The following NT5DC2 variants were observed in gnomAD, a reference collection of about 807,000 sequenced individuals.
The protein encoded by NT5DC2 is 5'-nucleotidase domain containing 2.
A neutral mutation model predicts 70.0 loss-of-function variants in NT5DC2; 41 were observed. The observed-to-expected ratio is 0.59, with a 90% CI of 0.46 to 0.76. The LOEUF (loss-of-function observed/expected upper bound fraction) is 0.76, where lower values mean the gene tolerates loss of function less well. Among genes scored for constraint, NT5DC2 ranks in the 30% least tolerant of loss-of-function variants. The pLI, the probability that NT5DC2 is intolerant of heterozygous loss-of-function variation, is 0.00. For missense variants in NT5DC2, 705 were observed against 783.2 expected (o/e 0.90, Z 1.19); for synonymous variants, 299 against 310.4 (o/e 0.96, Z 0.39).
chr3:52,526,822 G>A (rs932845629), intron 10 of NT5DC2, among the ~76,000 whole-genome samples: 1 of 152,060 alleles, frequency 6.6e-6, no homozygotes, highest in Non-Finnish European at 1.5e-5. Context: ...ACCATGCCCC[G>A]CTAATTTTTT....
At chr3:52,534,821 A>C, upstream of NT5DC2, 1 of 753,114 alleles carries the variant, frequency 1.3e-6, no homozygotes. Context: ...TACATTCGAA[A>C]CTCCACTGAA....
At chr3:52,527,216 G>A (rs1188146263) in intron 10 of NT5DC2, 78 bp downstream of exon 10, 1 of 1,342,892 alleles carries the variant, frequency 7.4e-7, no homozygotes, top group Non-Finnish European at 1.1e-6. Context: ...CTTCTTCAGA[G>A]GCTGCCTCTG....
At chr3:52,533,002 G>C (rs561519994) in intron 1 of NT5DC2, among the ~76,000 whole-genome samples, 2 of 152,178 alleles carry the variant, frequency 1.3e-5, no homozygotes, top group African/African-American at 4.8e-5. Context: ...TTCGCTGCCC[G>C]GGCTGAGAGG....
Position 52,528,027 on chromosome 3 carries a change from A to G in NT5DC2, c.818T>C (p.Ile273Thr). 1 of 1,611,918 alleles carries G rather than the reference A, an allele frequency of 6.2e-7. No individual in the cohort carries two copies. Among genetic ancestry groups the G allele is most frequent in the Non-Finnish European group, 8.5e-7 (1 of 1,179,458 alleles). The change falls in exon 7 of 14, where the codon ATC (isoleucine) becomes ACC (threonine). Residue 273 changes from isoleucine (I) to threonine (T), a missense_variant. Physicochemically the swap from Ile to Thr is moderately conservative, Grantham distance 89. Transcript: ENST00000422318. ...VHVKGLMYQW[I>T]EQDMEKYILR... ...TCCACACTTACCCATGTCCTGCTCG[A>G]TCCACTGGTACATGAGGCCCTTCAC... is the stretch of plus-strand genomic sequence containing the variant.
At position 52,528,526 on chromosome 3, in the gene NT5DC2, C is replaced by T. The variant is rs777625696; in HGVS notation, c.562G>A (p.Val188Met). The T allele has an allele frequency of 3.1e-6, 5 of 1,609,864 alleles. No homozygotes were observed. In the African/African-American group the frequency reaches 5.4e-5, roughly 17 times the overall value. The change falls in exon 5 of 14, where the codon GTG becomes ATG. Residue 188 changes from valine to methionine, a missense_variant. Physicochemically the swap from Val to Met is conservative, Grantham distance 21. Coordinates refer to ENST00000422318, the MANE Select transcript of NT5DC2 (RefSeq NM_001134231.2). ...AGCTCAATCACCTCCTCGTCTGGCA[C>T]AGGCTGGAGGCCCCTGAGCAGGCCC... ...LGTAYRGLQP[V>M]PDEEVIELYG... is the part of the protein sequence containing the mutation.
At chr3:52,527,255 T>A (rs1488758677) in intron 10 of NT5DC2, 39 bp downstream of exon 10, 4 of 1,591,964 alleles carry the variant, frequency 2.5e-6, no homozygotes, top group Non-Finnish European at 3.4e-6. Flanking sequence ...CTAGGCCCCA[T>A]GCCCCCACCA....
At chr3:52,527,269 G>A (rs1171230444) in intron 10 of NT5DC2, 25 bp downstream of exon 10, 6 of 1,610,124 alleles carry the variant, frequency 3.7e-6, no homozygotes, top group African/African-American at 2.7e-5. Context: ...CCCACCACAT[G>A]CTGCTCTCCC....
chr3:52,532,722 C>A (rs571447604), intron 1 of NT5DC2, among the ~76,000 whole-genome samples: 1 of 152,178 alleles, frequency 6.6e-6, no homozygotes, highest in Admixed American at 6.5e-5. Flanking sequence ...GGGGACCACC[C>A]AACTGGTCAG....
chr3:52,534,534 C>G (rs776843606), upstream of NT5DC2: 2 of 1,613,298 alleles, frequency 1.2e-6, no homozygotes, highest in Non-Finnish European at 1.7e-6. Context: ...CGCACTGACC[C>G]GTCAACTCCC....
At position 52,524,463 on chromosome 3, in the gene NT5DC2, G is replaced by C; in HGVS notation, c.*7C>G. ...CTGAGGGCCTGTCCCAGACAATAAA[G>C]GTGCCCTCAGCGGATGTGGGCCATG... On this transcript the variant is annotated 3_prime_UTR_variant, in exon 14 of 14. Transcript: ENST00000422318. The C allele has an allele frequency of 6.2e-7, 1 of 1,612,690 alleles. No individual in the cohort carries two copies. The highest frequency in any genetic ancestry group is 8.5e-7 in the Non-Finnish European group (1 of 1,179,938).
chr3:52,533,714 C>T lies in NT5DC2; in HGVS notation c.24G>A (p.Ala8=). The T allele has an allele frequency of 7.0e-6, 7 of 1,000,574 alleles. No homozygotes were observed. Among genetic ancestry groups the T allele is most frequent in the Non-Finnish European group, 8.3e-6 (7 of 841,670 alleles). 62.0% of individuals were successfully genotyped at this position (1,000,574 alleles called of 1,614,324 possible). A position where few individuals can be genotyped will look rare whatever the true frequency, so the allele number is the denominator to read the frequency against. The stretch of plus-strand genomic sequence containing the variant: ...CGCACAGCAGCCAGCGCCGAGCGGC[C>T]GCCCGCAGCCCCGCACCCGCCATGC... MAGAGLR[A]AARRWLLCGG... is the part of the protein sequence containing the mutation. Residue 8 remains alanine, a synonymous_variant, in exon 1 of 14, where the codon GCG becomes GCA. Coordinates refer to ENST00000422318, the MANE Select transcript of NT5DC2 (RefSeq NM_001134231.2).
Position 52,524,724 on chromosome 3 carries a change from T to C in NT5DC2, c.1420A>G (p.Thr474Ala). 6.2e-7 allele frequency: 1 copy of C among 1,612,610 alleles called. No individual in the cohort carries two copies. Among genetic ancestry groups the C allele is most frequent in the Non-Finnish European group, 8.5e-7 (1 of 1,179,924 alleles). Residue 474 changes from threonine (T) to alanine (A), a missense_variant, in exon 14 of 14, where the codon ACC becomes GCC. Transcript: ENST00000422318. ...MKERQELRCI[T>A]KALFNAQFGS... The stretch of plus-strand genomic sequence containing the variant: ...AACTGCGCATTGAACAGGGCCTTGG[T>C]GATGCACCTGGCGAGGGAGACACGA...
At position 52,524,668 on chromosome 3, in the gene NT5DC2, G is replaced by T. The variant is rs1217058072; in HGVS notation, c.1476C>A (p.Pro492=). 1 of 1,612,996 alleles carries T rather than the reference G, an allele frequency of 6.2e-7. No individual in the cohort carries two copies. Among genetic ancestry groups the T allele is most frequent in the South Asian group, 1.1e-5 (1 of 91,090 alleles). Reference sequence around the variant, plus strand: ...GCACGAGGCGCCTTGAGAAGTAGGTGGGGTTGTGGAAGGTGCGGAAGATGC... The same window carrying T: ...GCACGAGGCGCCTTGAGAAGTAGGTTGGGTTGTGGAAGGTGCGGAAGATGC... ...FGSIFRTFHN[P]TYFSRRLVRF... The change falls in exon 14 of 14, where the codon CCC becomes CCA. Residue 492 remains proline, a synonymous_variant. Coordinates refer to ENST00000422318, the MANE Select transcript of NT5DC2 (RefSeq NM_001134231.2).
intron 10 of NT5DC2, chr3:52,525,930 G>A (rs2079258242): frequency 6.6e-6 from 1 of 152,432 alleles, no homozygotes; most frequent in Admixed American, 6.5e-5. Context: ...GGAAGCGCTG[G>A]GGGAAACAGG....
Position 52,524,704 on chromosome 3 carries a change from C to A in NT5DC2, c.1440G>T (p.Ala480=). The A allele has an allele frequency of 1.2e-6, 2 of 1,612,734 alleles. No homozygotes were observed. Among genetic ancestry groups the A allele is most frequent in the African/African-American group, 1.3e-5 (1 of 75,034 alleles). The change falls in exon 14 of 14, where the codon GCG becomes GCT. Residue 480 remains alanine (A), a synonymous_variant. Transcript: ENST00000422318. Reference sequence around the variant, plus strand: ...AGGTGCGGAAGATGCTGCCGAACTGCGCATTGAACAGGGCCTTGGTGATGC... The same window carrying A: ...AGGTGCGGAAGATGCTGCCGAACTGAGCATTGAACAGGGCCTTGGTGATGC... ...LRCITKALFN[A]QFGSIFRTFH...
At position 52,529,968 on chromosome 3, in the gene NT5DC2, C is replaced by G. The variant is rs1390442730; in HGVS notation, c.233-634G>C. On this transcript the variant is annotated intron_variant, in intron 1 of 13. Transcript: ENST00000422318. The surrounding 1 kb of genome is among the most constrained non-coding windows in gnomAD (Gnocchi z 4.1). ...AGGGGGTTGAGGCCATGGATGCTGA[C>G]TTTTCTACCTTGCCCAGAGCTGGGA... is the stretch of plus-strand genomic sequence containing the variant. The G allele has an allele frequency of 6.5e-6, 1 of 153,662 alleles. No homozygotes were observed. The highest frequency in any genetic ancestry group is 1.4e-5 in the Non-Finnish European group (1 of 69,042). The allele number at this position is 153,662 out of a possible 1,614,324, so 9.5% of individuals were successfully genotyped here.
In NT5DC2 at chr3:52,531,367, G is replaced by A. The variant is rs563688957; in HGVS notation, c.233-2033C>T. On this transcript the variant is annotated intron_variant, in intron 1 of 13. Coordinates refer to ENST00000422318, the MANE Select transcript of NT5DC2 (RefSeq NM_001134231.2). The surrounding 1 kb of genome is among the most constrained non-coding windows in gnomAD (Gnocchi z 4.1). Reference sequence around the variant, plus strand: ...GGTTCTGGTGTGTCACTAGGACCCTGGGCCTTGCCCTTCCCATGGCCCTGA... The same window carrying A: ...GGTTCTGGTGTGTCACTAGGACCCTAGGCCTTGCCCTTCCCATGGCCCTGA... Among the ~76,000 whole-genome samples the A allele has an allele frequency of 2.0e-5, 3 of 152,126 alleles. No individual in the cohort carries two copies. The highest frequency in any genetic ancestry group is 4.4e-5 in the Non-Finnish European group (3 of 68,000).
At chr3:52,527,249 G>C in intron 10 of NT5DC2, 45 bp downstream of exon 10, 1 of 1,575,394 alleles carries the variant, frequency 6.3e-7, no homozygotes, top group Non-Finnish European at 8.7e-7. Context: ...CCCTAGCTAG[G>C]CCCCATGCCC....
chr3:52,524,932 C>T (rs1017720169), intron 12 of NT5DC2, 31 bp downstream of exon 12: 65 of 1,612,382 alleles, frequency 4.0e-5, no homozygotes, highest in Non-Finnish European at 5.3e-5. Flanking sequence ...GGCTACCGCC[C>T]TGGCCCTCCC....
Sources: allele counts gnomAD v4.1 joint callset (sites outside exome capture counted in the v4.1 genomes callset), GRCh38; gene constraint gnomAD v4.1.1; non-coding constraint Gnocchi (gnomAD v3.1); transcripts MANE v1.5; gene names NCBI Gene and HGNC (gene_info 2026-07-23, HGNC 2026-07-21).